Variants in RHBDD1 observed in about 807,000 individuals in gnomAD.
RHBDD1 encodes rhomboid-related protein 4.
A neutral mutation model predicts 36.3 loss-of-function variants in RHBDD1; 38 were observed. That is an observed-to-expected ratio of 1.05 (90% CI 0.81 to 1.37). The LOEUF (loss-of-function observed/expected upper bound fraction) is 1.37, where lower values mean the gene tolerates loss of function less well. Ranked by LOEUF, RHBDD1 falls within the 40% of genes most tolerant of loss-of-function variation. The probability of loss-of-function intolerance (pLI) is 0.00; values close to 1 mark genes in which losing one functional copy is unlikely to be tolerated. For synonymous variants in RHBDD1, 151 were observed against 136.5 expected (o/e 1.11, Z -0.74); for missense variants, 393 against 377.6 (o/e 1.04, Z -0.34).
At chr2:226,825,930 G>T in the RHBDD1 span, among the ~76,000 whole-genome samples, 1 of 152,178 alleles carries the variant, frequency 6.6e-6, no homozygotes, top group Admixed American at 6.5e-5. Flanking sequence ...CAGTTATCGG[G>T]TATCGAGAGT....
At chr2:226,938,472 A>G (rs1419231330) in intron 8 of RHBDD1, among the ~76,000 whole-genome samples, 4 of 152,212 alleles carry the variant, frequency 2.6e-5, no homozygotes, top group African/African-American at 4.8e-5. Context: ...AGTACAAACA[A>G]TAATCAGAGA....
chr2:226,926,036 G>C (rs1031295469), intron 8 of RHBDD1, among the ~76,000 whole-genome samples: 1 of 152,064 alleles, frequency 6.6e-6, no homozygotes, highest in Non-Finnish European at 1.5e-5. Flanking sequence ...ACAGGTTGGA[G>C]ACATCCTGTT....
intron 7 of RHBDD1, among the ~76,000 whole-genome samples, chr2:226,910,823 C>G (rs954908839): frequency 6.6e-6 from 1 of 151,956 alleles, no homozygotes; most frequent in Non-Finnish European, 1.5e-5. Flanking sequence ...ATTTTTGGTC[C>G]TACGGGAGGA....
In RHBDD1 at chr2:226,983,548, G is replaced by A. The variant is rs917867187; in HGVS notation, c.857-11883G>A. ...CAGGGTGACCTAAACTTGACCACTC[G>A]GGGATGGTTGTTCTCAGCAGAAGTT... On this transcript the variant is annotated intron_variant, in intron 8 of 8. Transcript: ENST00000392062. 5.9e-5 allele frequency among the ~76,000 whole-genome samples: 9 copies of A among 152,268 alleles called. No individual in the cohort carries two copies. In the South Asian group the frequency reaches 8.3e-4, roughly 14 times the overall value.
chr2:226,851,299 C>T (rs1372057051), intron 3 of RHBDD1, among the ~76,000 whole-genome samples: 1 of 151,884 alleles, frequency 6.6e-6, no homozygotes, highest in Non-Finnish European at 1.5e-5. Flanking sequence ...AACACATACC[C>T]CCCCAATGCA....
At chr2:226,836,981 C>G (rs1168893894) in intron 1 of RHBDD1, among the ~76,000 whole-genome samples, 1 of 152,184 alleles carries the variant, frequency 6.6e-6, no homozygotes, top group South Asian at 2.1e-4. Context: ...TTGGGAACTT[C>G]TTGGAAATGC....
chr2:226,897,979 C>CA (rs1204569685), intron 5 of RHBDD1, among the ~76,000 whole-genome samples: 1 of 150,316 alleles, frequency 6.7e-6, no homozygotes, highest in African/African-American at 2.5e-5. Flanking sequence ...AACTCCGTCT[C>CA]AAAAAACAAA....
In RHBDD1 at chr2:226,864,820, T is replaced by C. The variant is rs1944185091; in HGVS notation, c.127T>C (p.Leu43=). 1 of 1,614,216 alleles carries C rather than the reference T, an allele frequency of 6.2e-7. No individual in the cohort carries two copies. The highest frequency in any genetic ancestry group is 8.5e-7 in the Non-Finnish European group (1 of 1,180,038). The change falls in exon 4 of 9, where the codon TTG becomes CTG. Residue 43 remains leucine (L), a synonymous_variant. Coordinates refer to ENST00000392062, the MANE Select transcript of RHBDD1 (RefSeq NM_001167608.3). ...ATLALNIWFF[L]NPQKPLYSSC... is the part of the protein sequence containing the mutation. ...TTTGGCCCTCAACATCTGGTTCTTC[T>C]TGAACCCTCAGAAGCCACTGTATAG...
At chr2:226,984,548 A>G (rs144730021) in intron 8 of RHBDD1, among the ~76,000 whole-genome samples, 113 of 152,292 alleles carry the variant, frequency 7.4e-4, no homozygotes, top group African/African-American at 2.6e-3. Context: ...TTGGACTTCA[A>G]CGTATGGATT....
At chr2:226,812,282 G>A in the RHBDD1 span, among the ~76,000 whole-genome samples, 2 of 152,198 alleles carry the variant, frequency 1.3e-5, no homozygotes, top group Non-Finnish European at 2.9e-5. Flanking sequence ...CAACTTCTCT[G>A]TATGGCAATG....
rs190026573 is a variant in RHBDD1, at chr2:226,836,490, T to C, written c.-392+403T>C. On this transcript the variant is annotated intron_variant, in intron 1 of 8. Transcript: ENST00000392062. Reference sequence around the variant, plus strand: ...AGTTTCAGGTGCTCTCGGGACAGCTTTCAGTTTCTCAGAACAAGTCTAAGC... The same window carrying C: ...AGTTTCAGGTGCTCTCGGGACAGCTCTCAGTTTCTCAGAACAAGTCTAAGC... 1.5e-3 allele frequency among the ~76,000 whole-genome samples: 226 copies of C among 152,318 alleles called. 4 individuals carry two copies. The highest frequency in any genetic ancestry group is 9.6e-4 in the East Asian group (5 of 5,188).
the RHBDD1 span, among the ~76,000 whole-genome samples, chr2:226,809,832 A>G: frequency 1.4e-4 from 22 of 152,216 alleles, no homozygotes; most frequent in African/African-American, 4.6e-4. Flanking sequence ...TTAAAAGACT[A>G]ATGTAAGGTA....
chr2:226,835,594 C>G (rs1940878933), upstream of RHBDD1: 1 of 152,270 alleles, frequency 6.6e-6, no homozygotes, highest in African/African-American at 2.4e-5. Context: ...AGCTCCCCAG[C>G]CTCCGGCTGC....
At chr2:226,938,685 T>A (rs901921234) in intron 8 of RHBDD1, among the ~76,000 whole-genome samples, 1 of 151,692 alleles carries the variant, frequency 6.6e-6, no homozygotes, top group Non-Finnish European at 1.5e-5. Flanking sequence ...CTGAATTCTA[T>A]CAGAGATACA....
chr2:226,958,790 A>T (rs967922029), intron 8 of RHBDD1, among the ~76,000 whole-genome samples: 1 of 151,520 alleles, frequency 6.6e-6, no homozygotes, highest in African/African-American at 2.4e-5. Context: ...TTCTTGGGAC[A>T]TATCTTCTTT....
chr2:226,919,062 A>G (rs1949118577), intron 8 of RHBDD1, among the ~76,000 whole-genome samples: 2 of 152,060 alleles, frequency 1.3e-5, no homozygotes, highest in Non-Finnish European at 2.9e-5. Context: ...TTCTCTGAGG[A>G]TCAGTGATAT....
At chr2:226,894,494 C>T (rs377237849) in intron 5 of RHBDD1, among the ~76,000 whole-genome samples, 92 of 152,310 alleles carry the variant, frequency 6.0e-4, no homozygotes, top group African/African-American at 2.1e-3. Context: ...TGGTCTCGAT[C>T]TCCTGATGTC....
chr2:226,844,604 CAAAG>C (rs1435270372), intron 3 of RHBDD1, among the ~76,000 whole-genome samples: 1 of 152,052 alleles, frequency 6.6e-6, no homozygotes, highest in African/African-American at 2.4e-5. Flanking sequence ...TTTAGGTAGA[CAAAG>C]AAATCTGGTG....
intron 1 of RHBDD1, among the ~76,000 whole-genome samples, chr2:226,837,074 G>T (rs550082523): frequency 6.6e-6 from 1 of 152,140 alleles, no homozygotes; most frequent in Non-Finnish European, 1.5e-5. Flanking sequence ...GCACCTGGAC[G>T]CTAAAGTTTG....
Sources: allele counts gnomAD v4.1 joint callset (sites outside exome capture counted in the v4.1 genomes callset), GRCh38; gene constraint gnomAD v4.1.1; transcripts MANE v1.5; gene names NCBI Gene and HGNC (gene_info 2026-07-23, HGNC 2026-07-21).